The following HELLS variants were observed in gnomAD, a reference collection of about 807,000 sequenced individuals.
HELLS encodes the protein lymphoid-specific helicase.
HELLS carries 32 observed loss-of-function variants against 120.0 expected under a neutral mutation model. The observed-to-expected ratio is 0.27, with a 90% CI of 0.20 to 0.36. The LOEUF (loss-of-function observed/expected upper bound fraction) is 0.36. Among genes scored for constraint, HELLS ranks in the 10% least tolerant of loss-of-function variants. The pLI is 1.00. For synonymous variants in HELLS, 341 were observed against 323.4 expected (o/e 1.05, Z -0.58); for missense variants, 650 against 993.4 (o/e 0.65, Z 4.65).
intron 21 of HELLS, among the ~76,000 whole-genome samples, chr10:94,598,100 G>T (rs190334895): frequency 1.1e-4 from 17 of 149,988 alleles, no homozygotes; most frequent in Non-Finnish European, 1.6e-4. Context: ...ATAATATTTT[G>T]TACTTCATAA....
chr10:94,593,077 A>G (rs943252505), intron 17 of HELLS, among the ~76,000 whole-genome samples: 1 of 152,158 alleles, frequency 6.6e-6, no homozygotes, highest in Non-Finnish European at 1.5e-5. Context: ...TAATGTATAC[A>G]TTTGCTGAAT....
intron 9 of HELLS, among the ~76,000 whole-genome samples, chr10:94,575,063 GTTTTCTGTT>G (rs1844363450): frequency 6.9e-6 from 1 of 145,100 alleles, no homozygotes; most frequent in South Asian, 2.2e-4. Context: ...TAAGAAGAGA[GTTTTCTGTT>G]TTTTCTGTAC....
chr10:94,584,241 T>C (rs940546031), intron 12 of HELLS: 1 of 404,672 alleles, frequency 2.5e-6, no homozygotes, highest in African/African-American at 2.1e-5. Flanking sequence ...GTTGGAATAT[T>C]TATTTATTAA....
chr10:94,551,940 C>G (rs1011522702), intron 2 of HELLS, among the ~76,000 whole-genome samples: 2 of 152,056 alleles, frequency 1.3e-5, no homozygotes, highest in African/African-American at 4.8e-5. Context: ...AGGGTTTCAC[C>G]GTGTTAGCCA....
intron 13 of HELLS, among the ~76,000 whole-genome samples, chr10:94,589,202 A>G (rs1008514428): frequency 6.6e-6 from 1 of 152,230 alleles, no homozygotes; most frequent in Non-Finnish European, 1.5e-5. Context: ...AACTCTAATC[A>G]TGCTTTCTGG....
intron 11 of HELLS, 46 bp downstream of exon 11, chr10:94,581,568 T>G (rs543156953): frequency 6.8e-5 from 94 of 1,392,170 alleles, no homozygotes; most frequent in Middle Eastern, 1.9e-4. Flanking sequence ...AAATCTGTGC[T>G]GTTAGTTAAA....
intron 2 of HELLS, among the ~76,000 whole-genome samples, chr10:94,551,504 C>T (rs1469834472): frequency 6.6e-6 from 1 of 151,648 alleles, no homozygotes; most frequent in Non-Finnish European, 1.5e-5. Context: ...GAGGCGGAGG[C>T]AGAGGTGAGC....
At chr10:94,578,031 C>T (rs1844599566) in intron 10 of HELLS, among the ~76,000 whole-genome samples, 1 of 145,694 alleles carries the variant, frequency 6.9e-6, no homozygotes, top group Admixed American at 7.0e-5. Flanking sequence ...CCACTGCAGT[C>T]CGCAGTCCGG....
At chr10:94,581,162 G>C (rs1000073281) in intron 10 of HELLS, among the ~76,000 whole-genome samples, 164 bp from the exon 11 acceptor site, 1 of 152,146 alleles carries the variant, frequency 6.6e-6, no homozygotes, top group Non-Finnish European at 1.5e-5. Flanking sequence ...AGGAATCCTT[G>C]TAAGTGGATC....
rs752672463 is a variant in HELLS, at chr10:94,545,909, T to A, written c.-13T>A. On this transcript the variant is annotated 5_prime_UTR_variant, in exon 1 of 22. Coordinates refer to ENST00000348459, the MANE Select transcript of HELLS (RefSeq NM_018063.5). Reference sequence around the variant, plus strand: ...GAGAGGAGGGGACCCGGTTCCCGGGTGAGTGTCCAGGCATGCCAGCGGAAC... The same window carrying A: ...GAGAGGAGGGGACCCGGTTCCCGGGAGAGTGTCCAGGCATGCCAGCGGAAC... 6 of 1,553,280 alleles carry A rather than the reference T, an allele frequency of 3.9e-6. No homozygotes were observed. The South Asian group carries it at 5.9e-5, about 15-fold the overall frequency.
At chr10:94,582,370 G>A (rs996160531) in intron 11 of HELLS, among the ~76,000 whole-genome samples, 4 of 152,096 alleles carry the variant, frequency 2.6e-5, no homozygotes, top group Admixed American at 2.6e-4. Context: ...CATGCTTCTG[G>A]TGATCCAAGT....
rs759796016 is a variant in HELLS, at chr10:94,562,658, A to G, written c.334-33A>G. On this transcript the variant is annotated intron_variant, in intron 4 of 21. Coordinates refer to ENST00000348459, the MANE Select transcript of HELLS (RefSeq NM_018063.5). ...ACGTATAATACTATGAAGGTCCTTA[A>G]TAAAATCAATATTCTGAATCCTTGT... 1.9e-5 allele frequency: 28 copies of G among 1,485,794 alleles called. 1 individual carries two copies. The South Asian group carries it at 3.3e-4, about 17-fold the overall frequency. 92.0% of individuals were successfully genotyped at this position (1,485,794 alleles called of 1,614,324 possible). A position where few individuals can be genotyped will look rare whatever the true frequency, so the allele number is the denominator to read the frequency against.
chr10:94,580,896 A>G (rs1844836253), intron 10 of HELLS, among the ~76,000 whole-genome samples: 1 of 152,190 alleles, frequency 6.6e-6, no homozygotes, highest in Non-Finnish European at 1.5e-5. Context: ...CTTTCTGTGA[A>G]AATATAAATT....
At chr10:94,555,454 A>T (rs1340248803) in intron 3 of HELLS, among the ~76,000 whole-genome samples, 8 of 152,232 alleles carry the variant, frequency 5.3e-5, no homozygotes, top group South Asian at 4.1e-4. Flanking sequence ...AATAAATAAA[A>T]AAAACCCCAA....
At chr10:94,580,162 TACACACAC>T (rs34963898) in intron 10 of HELLS, among the ~76,000 whole-genome samples, 25 of 47,592 alleles carry the variant, frequency 5.3e-4, no homozygotes, top group African/African-American at 1.7e-3. Context: ...TATATATATA[TACACACAC>T]ACACACACAC....
chr10:94,580,919 G>GA (rs1844836902), intron 10 of HELLS, among the ~76,000 whole-genome samples: 1 of 152,114 alleles, frequency 6.6e-6, no homozygotes, highest in Non-Finnish European at 1.5e-5. Context: ...TTAAATAAGG[G>GA]AAAATTCTAG....
At chr10:94,546,649 TA>T in intron 2 of HELLS, 151 bp downstream of exon 2, 1 of 851,518 alleles carries the variant, frequency 1.2e-6, no homozygotes, top group Non-Finnish European at 1.8e-6. Flanking sequence ...TTTGTATGTT[TA>T]CAGATATTGC....
exon 10 of HELLS, chr10:94,613,382 GT>G (rs1846213267): frequency 6.6e-6 from 1 of 152,102 alleles, no homozygotes; most frequent in Non-Finnish European, 1.5e-5. Context: ...TTTTAGTTTT[GT>G]TAAATCTCTG....
chr10:94,593,214 T>C (rs1012533648), intron 17 of HELLS, among the ~76,000 whole-genome samples: 1 of 152,248 alleles, frequency 6.6e-6, no homozygotes, highest in African/African-American at 2.4e-5. Context: ...CCCATGTGTT[T>C]AGACAACTAC....
Sources: allele counts gnomAD v4.1 joint callset (sites outside exome capture counted in the v4.1 genomes callset), GRCh38; gene constraint gnomAD v4.1.1; transcripts MANE v1.5; gene names NCBI Gene and HGNC (gene_info 2026-07-23, HGNC 2026-07-21).